HIBADH: variants seen among roughly 807,000 people sequenced by gnomAD.
HIBADH encodes 3-hydroxyisobutyrate dehydrogenase, mitochondrial.
In HIBADH, 25 loss-of-function variants were observed where a neutral mutation model predicts 36.1. The ratio of observed to expected loss-of-function variants is 0.69; its 90% CI spans 0.50 to 0.97. HIBADH has a LOEUF of 0.97. HIBADH is among the 50% of genes least tolerant of loss of function. The pLI, the probability that HIBADH is intolerant of heterozygous loss-of-function variation, is 0.00. For missense variants in HIBADH, 421 were observed against 418.0 expected, an observed-to-expected ratio of 1.01 and a Z score of -0.06; for synonymous variants, 160 against 149.5, an observed-to-expected ratio of 1.07 and a Z score of -0.51.
intron 4 of HIBADH, among the ~76,000 whole-genome samples, chr7:27,579,520 T>C (rs1784759993): frequency 2.0e-5 from 3 of 152,218 alleles, no homozygotes; most frequent in African/African-American, 7.2e-5. Flanking sequence ...AAGGTAGTTA[T>C]CTTTTGATTT....
At chr7:27,594,679 G>A (rs941475569) in intron 4 of HIBADH, among the ~76,000 whole-genome samples, 2 of 152,028 alleles carry the variant, frequency 1.3e-5, no homozygotes, top group African/African-American at 4.8e-5. Flanking sequence ...AATTCTGAGC[G>A]AGGGAAAAAG....
intron 4 of HIBADH, among the ~76,000 whole-genome samples, chr7:27,545,251 G>A (rs1458907374): frequency 2.6e-5 from 4 of 152,002 alleles, no homozygotes; most frequent in African/African-American, 7.2e-5. Context: ...GACCAGCCTG[G>A]GCAACACGGC....
intron 2 of HIBADH, among the ~76,000 whole-genome samples, chr7:27,635,880 C>T (rs897233381): frequency 2.6e-4 from 40 of 152,150 alleles, no homozygotes; most frequent in African/African-American, 9.4e-4. Context: ...TCAATTTTGA[C>T]TACAGGAAAT....
chr7:27,638,324 A>AAAC (rs1554300513), intron 2 of HIBADH, among the ~76,000 whole-genome samples: 4 of 148,548 alleles, frequency 2.7e-5, no homozygotes, highest in East Asian at 3.9e-4. Context: ...AAAAAAAAAA[A>AAAC]AAAAAACAAG....
chr7:27,629,323 C>A, intron 4 of HIBADH, 48 bp downstream of exon 4: 2 of 1,575,846 alleles, frequency 1.3e-6, no homozygotes, highest in Non-Finnish European at 1.7e-6. Context: ...ATAATTGCTA[C>A]TTTTGACAAA....
At chr7:27,532,257 T>C (rs1303687339) in intron 6 of HIBADH, among the ~76,000 whole-genome samples, 1 of 152,260 alleles carries the variant, frequency 6.6e-6, no homozygotes, top group Non-Finnish European at 1.5e-5. Context: ...TAAAACTTTA[T>C]TCCTAGCAAT....
intron 4 of HIBADH, among the ~76,000 whole-genome samples, chr7:27,543,320 A>G (rs1167796580): frequency 6.6e-6 from 1 of 152,134 alleles, no homozygotes; most frequent in Admixed American, 6.6e-5. Flanking sequence ...ATTCAGTTGT[A>G]CTCTCAATCT....
intron 4 of HIBADH, among the ~76,000 whole-genome samples, chr7:27,615,336 G>A (rs1316838774): frequency 6.6e-6 from 1 of 152,164 alleles, no homozygotes; most frequent in African/African-American, 2.4e-5. Context: ...ACAACCTAGA[G>A]AACCCTGGGC....
At chr7:27,653,873 G>C (rs989353977) in intron 1 of HIBADH, among the ~76,000 whole-genome samples, 12 of 152,166 alleles carry the variant, frequency 7.9e-5, no homozygotes, top group Non-Finnish European at 1.5e-4. Context: ...TGAGTATGAA[G>C]AGGCTGAAGG....
intron 4 of HIBADH, among the ~76,000 whole-genome samples, chr7:27,566,364 T>C (rs1293401811): frequency 6.6e-6 from 1 of 151,862 alleles, no homozygotes; most frequent in Non-Finnish European, 1.5e-5. Flanking sequence ...TTTTAGTAGT[T>C]TGTGGCTCTC....
At chr7:27,574,272 G>A (rs1784671850) in intron 4 of HIBADH, among the ~76,000 whole-genome samples, 1 of 147,604 alleles carries the variant, frequency 6.8e-6, no homozygotes, top group Admixed American at 6.9e-5. Flanking sequence ...CCACAGCTTA[G>A]AAAAGGGGAG....
At chr7:27,585,979 G>C (rs1048572108) in intron 4 of HIBADH, among the ~76,000 whole-genome samples, 1 of 152,172 alleles carries the variant, frequency 6.6e-6, no homozygotes, top group Admixed American at 6.5e-5. Context: ...TAAGAAGATA[G>C]GTGGTTATGT....
chr7:27,592,232 A>G (rs925562468), intron 4 of HIBADH, among the ~76,000 whole-genome samples: 5 of 152,192 alleles, frequency 3.3e-5, no homozygotes, highest in African/African-American at 4.8e-5. Context: ...TTTTTTATGA[A>G]TATGCATCTG....
chr7:27,592,827 G>GGCTTCCCACT (rs113269995), intron 4 of HIBADH, among the ~76,000 whole-genome samples: 115,789 of 151,930 alleles, frequency 0.76, 44,632 homozygotes, highest in East Asian at 0.94. Context: ...AACTTTCAAT[G>GGCTTCCCACT]GTTTTTAGCA....
intron 4 of HIBADH, among the ~76,000 whole-genome samples, chr7:27,545,629 G>C (rs1488923090): frequency 6.6e-6 from 1 of 152,070 alleles, no homozygotes; most frequent in Non-Finnish European, 1.5e-5. Flanking sequence ...TTTGATTCTA[G>C]TCCATTTTCT....
chr7:27,614,755 T>C (rs1248698964), intron 4 of HIBADH, among the ~76,000 whole-genome samples: 2 of 152,242 alleles, frequency 1.3e-5, no homozygotes, highest in Admixed American at 6.5e-5. Flanking sequence ...GTTAAAGATA[T>C]GTCAAGGTAT....
At chr7:27,641,408 A>T (rs1785959392) in intron 2 of HIBADH, among the ~76,000 whole-genome samples, 1 of 152,160 alleles carries the variant, frequency 6.6e-6, no homozygotes, top group South Asian at 2.1e-4. Flanking sequence ...GAGGAAATGG[A>T]CACCCGTCCT....
intron 6 of HIBADH, among the ~76,000 whole-genome samples, chr7:27,533,368 C>T (rs1049370675): frequency 6.6e-6 from 1 of 152,074 alleles, no homozygotes; most frequent in East Asian, 1.9e-4. Context: ...GGGGCACACA[C>T]AAAAAATCAG....
intron 7 of HIBADH, among the ~76,000 whole-genome samples, chr7:27,529,263 T>C (rs1213811014): frequency 1.3e-5 from 2 of 152,178 alleles, no homozygotes; most frequent in Non-Finnish European, 2.9e-5. Flanking sequence ...AAAGAGTCAT[T>C]TTTCAACTCT....
Sources: gnomAD v4.1 joint callset for allele counts (sites outside exome capture counted in the v4.1 genomes callset) on GRCh38, gnomAD v4.1.1 for gene constraint, MANE v1.5 for transcripts, NCBI Gene and HGNC (gene_info 2026-07-23, HGNC 2026-07-21) for gene names.